Variants in DNAH2 observed in about 807,000 individuals in gnomAD.
The protein encoded by DNAH2 is axonemal beta dynein heavy chain 2.
In DNAH2, 323 loss-of-function variants were observed where a neutral mutation model predicts 523.5. The observed-to-expected ratio is 0.62, with a 90% CI of 0.56 to 0.68. The LOEUF is 0.68. DNAH2 is among the 30% of genes least tolerant of loss of function. DNAH2 has a pLI of 0.00. For missense variants in DNAH2, 4,907 were observed against 5,701.5 expected (o/e 0.86, Z 4.49); for synonymous variants, 2,093 against 2,177.4 (o/e 0.96, Z 1.08).
intron 2 of DNAH2, among the ~76,000 whole-genome samples, chr17:7,721,725 G>T (rs1277435790): frequency 6.6e-6 from 1 of 152,172 alleles, no homozygotes; most frequent in South Asian, 2.1e-4. Context: ...CCTGGGGAAT[G>T]GGAAAGCCAC....
At position 7,833,366 on chromosome 17, in the gene DNAH2, T is replaced by A; in HGVS notation, c.13130-13T>A. On this transcript the variant is annotated splice_polypyrimidine_tract_variant and intron_variant, in intron 85 of 85. Coordinates refer to ENST00000572933, the MANE Select transcript of DNAH2 (RefSeq NM_020877.5). ...GGCTCCAGGGGTCTGACTTCTCCTCTCCTTTCCCCCAGGCATGTACTCCTG... is the reference window on the plus strand; with the variant it reads ...GGCTCCAGGGGTCTGACTTCTCCTCACCTTTCCCCCAGGCATGTACTCCTG... The A allele has an allele frequency of 6.2e-7, 1 of 1,613,508 alleles. No homozygotes were observed. Among genetic ancestry groups the A allele is most frequent in the East Asian group, 2.2e-5 (1 of 44,862 alleles).
chr17:7,753,696 C>G (rs1025949040), intron 12 of DNAH2, among the ~76,000 whole-genome samples: 5 of 152,120 alleles, frequency 3.3e-5, no homozygotes, highest in Non-Finnish European at 7.3e-5. Context: ...GCCTGTAACC[C>G]CAGCCCTTTG....
intron 28 of DNAH2, 136 bp from the exon 29 acceptor site, chr17:7,774,623 T>C (rs1302432710): frequency 1.4e-6 from 1 of 693,968 alleles, no homozygotes; most frequent in Non-Finnish European, 2.4e-6. Context: ...TGGGGATACT[T>C]CTCTGCGTCC....
rs755139484 is a variant in DNAH2, at chr17:7,768,242, C to G, written c.3916C>G (p.Leu1306Val). 5 of 1,614,038 alleles carry G rather than the reference C, an allele frequency of 3.1e-6. No homozygotes were observed. In the Admixed American group the frequency reaches 8.3e-5, roughly 27 times the overall value. ...FKRTMPLISD[L>V]RNPALRERHW... ...GAGGACCATGCCTCTCATCTCAGACCTGCGGAACCCTGCCCTTAGAGAGAG... is the reference window on the plus strand; with the variant it reads ...GAGGACCATGCCTCTCATCTCAGACGTGCGGAACCCTGCCCTTAGAGAGAG... The change falls in exon 24 of 86, where the codon CTG becomes GTG. Residue 1306 changes from leucine (L) to valine (V), a missense_variant. Leu to Val is a conservative substitution (Grantham distance 32, BLOSUM62 1). Around this residue, in one of 3 missense-constraint regions of DNAH2, gnomAD observed 2,806 missense variants for 3,190.8 expected, o/e 0.88. Coordinates refer to ENST00000572933, the MANE Select transcript of DNAH2 (RefSeq NM_020877.5).
At chr17:7,827,929 CTTTG>C (rs34340945) in intron 77 of DNAH2, among the ~76,000 whole-genome samples, 34 of 151,530 alleles carry the variant, frequency 2.2e-4, no homozygotes, top group African/African-American at 4.9e-4. Context: ...ATACTTTAGT[CTTTG>C]TTTGTTTGTT....
At position 7,831,841 on chromosome 17, in the gene DNAH2, A is replaced by G. The variant is rs1030343667; in HGVS notation, c.12726+66A>G. ...TCCCCTCTCAATCCTGGGCCCCCCA[A>G]TCTCCTGGTTCTAGGTGGGCATAAA... On this transcript the variant is annotated intron_variant, in intron 82 of 85. Coordinates refer to ENST00000572933, the MANE Select transcript of DNAH2 (RefSeq NM_020877.5). This position sits in a 1 kb window ranked among gnomAD's most constrained non-coding sequence, Gnocchi z 4.2. The G allele has an allele frequency of 1.6e-5, 23 of 1,453,360 alleles. No homozygotes were observed. The highest frequency in any genetic ancestry group is 4.6e-5 in the East Asian group (2 of 43,318). The allele number at this position is 1,453,360 out of a possible 1,614,324, so 90.0% of individuals were successfully genotyped here. A position where few individuals can be genotyped will look rare whatever the true frequency, so the allele number is the denominator to read the frequency against.
chr17:7,726,868 T>C (rs960652323), intron 3 of DNAH2, among the ~76,000 whole-genome samples: 1 of 152,172 alleles, frequency 6.6e-6, no homozygotes, highest in East Asian at 1.9e-4. Flanking sequence ...ATCTCTTGCA[T>C]TGGGTGGATA....
rs576517110 is a variant in DNAH2, at chr17:7,773,878, C to T, written c.4502-881C>T. On this transcript the variant is annotated intron_variant, in intron 28 of 85. Transcript: ENST00000572933. ...CCGAGTAGCTTGGATTACAGGCACC[C>T]GCCACCACGCCTGGCTAATTTTTGT... is the stretch of plus-strand genomic sequence containing the variant. Among the ~76,000 whole-genome samples the T allele has an allele frequency of 5.9e-5, 9 of 152,098 alleles. No homozygotes were observed. The East Asian group carries it at 7.7e-4, about 13-fold the overall frequency.
At chr17:7,800,813 G>A (rs1046421273) in intron 56 of DNAH2, among the ~76,000 whole-genome samples, 15 of 148,766 alleles carry the variant, frequency 1.0e-4, no homozygotes, top group African/African-American at 1.7e-4. Flanking sequence ...CTTGCAGTGA[G>A]CCTAGATGGC....
intron 5 of DNAH2, 85 bp downstream of exon 5, chr17:7,733,400 C>A: frequency 7.6e-7 from 1 of 1,324,036 alleles, no homozygotes; most frequent in Non-Finnish European, 1.1e-6. Context: ...TTCGTCTGAG[C>A]ACCTGTGTGG....
intron 12 of DNAH2, among the ~76,000 whole-genome samples, chr17:7,750,514 G>A (rs1324186599): frequency 2.0e-5 from 3 of 152,138 alleles, no homozygotes; most frequent in Admixed American, 6.6e-5. Flanking sequence ...TGCAGGGGAG[G>A]TAAATCTTTT....
intron 44 of DNAH2, among the ~76,000 whole-genome samples, chr17:7,788,979 AC>A (rs947234203): frequency 1.1e-4 from 16 of 152,158 alleles, no homozygotes; most frequent in Non-Finnish European, 2.1e-4. Context: ...AGCCTGGCCA[AC>A]ATGGTGAAAC....
intron 1 of DNAH2, 77 bp from the exon 2 acceptor site, chr17:7,719,644 A>G (rs2151109677): frequency 6.4e-7 from 1 of 1,560,304 alleles, no homozygotes; most frequent in African/African-American, 1.4e-5. Context: ...TATGAATTCA[A>G]AAGGGACTGC....
chr17:7,808,225 G>T (rs1250687429), intron 63 of DNAH2, among the ~76,000 whole-genome samples: 1 of 152,232 alleles, frequency 6.6e-6, no homozygotes, highest in East Asian at 1.9e-4. Flanking sequence ...ACAAAAATTA[G>T]CCGGGCATGG....
At chr17:7,800,084 C>G (rs2077181047) in intron 56 of DNAH2, among the ~76,000 whole-genome samples, 1 of 152,204 alleles carries the variant, frequency 6.6e-6, no homozygotes, top group Non-Finnish European at 1.5e-5. Flanking sequence ...CGGAGTCTCG[C>G]TGTGTTGCCC....
chr17:7,797,458 A>G lies in DNAH2; in HGVS notation c.8008A>G (p.Ser2670Gly). 6.2e-7 allele frequency: 1 copy of G among 1,614,170 alleles called. No individual in the cohort carries two copies. The highest frequency in any genetic ancestry group is 1.1e-5 in the South Asian group (1 of 91,084). ...ADTEAFMGII[S>G]DKLGSFFDLT... ...CACAGAAGCCTTCATGGGCATCATAAGCGACAAGCTCGGCTCCTTCTTTGA... is the reference window on the plus strand; with the variant it reads ...CACAGAAGCCTTCATGGGCATCATAGGCGACAAGCTCGGCTCCTTCTTTGA... The change falls in exon 52 of 86, where the codon AGC becomes GGC. Residue 2670 changes from serine to glycine, a missense_variant. Coordinates refer to ENST00000572933, the MANE Select transcript of DNAH2 (RefSeq NM_020877.5).
rs1355878891 is a variant in DNAH2, at chr17:7,817,937, G to GC, written c.10237-8dup. 3 of 1,613,774 alleles carry GC rather than the reference G, an allele frequency of 1.9e-6. No individual in the cohort carries two copies. The Admixed American group carries it at 5.0e-5, about 27-fold the overall frequency. ...GTAGTGTTCCTTCACCTTCCCCCTT[G>GC]CTCTCTAGGGCCTGAAGATCATCGA... is the stretch of plus-strand genomic sequence containing the variant. On this transcript the variant is annotated splice_polypyrimidine_tract_variant and intron_variant, in intron 67 of 85. Coordinates refer to ENST00000572933, the MANE Select transcript of DNAH2 (RefSeq NM_020877.5).
chr17:7,721,366 G>T (rs2074600138), intron 2 of DNAH2, among the ~76,000 whole-genome samples: 3 of 151,916 alleles, frequency 2.0e-5, no homozygotes, highest in African/African-American at 7.3e-5. Flanking sequence ...TAGAGATGGG[G>T]TTTCACCATG....
At chr17:7,767,826 C>T (rs879104771) in intron 22 of DNAH2, 74 bp from the exon 23 acceptor site, 20 of 1,591,802 alleles carry the variant, frequency 1.3e-5, no homozygotes, top group Middle Eastern at 2.2e-4. Flanking sequence ...GCGAGAGCAG[C>T]GAAGGGCCTG....
Sources: gnomAD v4.1 joint callset for allele counts (sites outside exome capture counted in the v4.1 genomes callset) on GRCh38, gnomAD v4.1.1 for gene constraint, gnomAD v4.1.1 regional missense constraint, Gnocchi (gnomAD v3.1) non-coding constraint, MANE v1.5 for transcripts, NCBI Gene and HGNC (gene_info 2026-07-23, HGNC 2026-07-21) for gene names.